UBR1: variants seen among roughly 807,000 people sequenced by gnomAD.
UBR1 encodes the protein E3 ubiquitin-protein ligase UBR1.
A neutral mutation model predicts 242.1 loss-of-function variants in UBR1; 102 were observed. The observed-to-expected ratio is 0.42, with a 90% CI of 0.36 to 0.50. UBR1 has a LOEUF of 0.50. Ranked by LOEUF, UBR1 falls within the 20% of genes least tolerant of loss-of-function variation. UBR1 has a pLI of 0.01. For missense variants in UBR1, 1,772 were observed against 2,101.8 expected, an observed-to-expected ratio of 0.84 and a Z score of 3.07; for synonymous variants, 675 against 684.8, an observed-to-expected ratio of 0.99 and a Z score of 0.22.
At chr15:43,074,488 G>A (rs962340580) in intron 4 of UBR1, among the ~76,000 whole-genome samples, 8 of 152,164 alleles carry the variant, frequency 5.3e-5, no homozygotes, top group African/African-American at 1.9e-4. Context: ...GAGTGCAGTG[G>A]CATGATCTTG....
chr15:43,060,516 C>T (rs993070907), intron 6 of UBR1, among the ~76,000 whole-genome samples: 2 of 152,148 alleles, frequency 1.3e-5, no homozygotes, highest in South Asian at 2.1e-4. Flanking sequence ...GGCCCATTAA[C>T]GAGCGGGAAG....
intron 32 of UBR1, among the ~76,000 whole-genome samples, chr15:43,002,120 TAATAC>T (rs950001545): frequency 6.6e-5 from 10 of 152,174 alleles, no homozygotes; most frequent in Non-Finnish European, 1.0e-4. Flanking sequence ...TTTAAAAGTA[TAATAC>T]AAGATATAAA....
chr15:42,988,922 G>A lies in UBR1; in HGVS notation c.3894C>T (p.Ala1298=), dbSNP rs143517184. The change falls in exon 35 of 47, where the codon GCC becomes GCT. Residue 1298 remains alanine (A), a synonymous_variant. Transcript: ENST00000290650. ...TCAATCCAATTCTATAAATTGTTGT[G>A]GCAAAGAGAATAACCATTTCCTTGA... is the stretch of plus-strand genomic sequence containing the variant. ...NSIKEMVILF[A]TTIYRIGLKV... 2.2e-5 allele frequency: 36 copies of A among 1,610,656 alleles called. No homozygotes were observed. The African/African-American group carries it at 4.3e-4, about 19-fold the overall frequency.
chr15:42,958,007 C>T lies in UBR1; in HGVS notation c.4835+6G>A, dbSNP rs1596074883. The T allele has an allele frequency of 6.2e-7, 1 of 1,609,134 alleles. No individual in the cohort carries two copies. The highest frequency in any genetic ancestry group is 8.5e-7 in the Non-Finnish European group (1 of 1,176,126). ...TTACACACATATATATACACACTCT[C>T]CTTACCTGAAATGAGAAGCTTGATT... On this transcript the variant is annotated splice_donor_region_variant and intron_variant, in intron 44 of 46. Transcript: ENST00000290650.
intron 33 of UBR1, among the ~76,000 whole-genome samples, chr15:42,997,873 A>G (rs1439849404): frequency 6.6e-6 from 1 of 152,242 alleles, no homozygotes; most frequent in East Asian, 1.9e-4. Flanking sequence ...AGTGGATCTT[A>G]GTGATTTAGA....
At chr15:43,043,516 A>C in intron 14 of UBR1, 121 bp from the exon 15 acceptor site, 7 of 896,968 alleles carry the variant, frequency 7.8e-6, no homozygotes, top group Non-Finnish European at 1.1e-5. Flanking sequence ...ATCACAGCTC[A>C]CTGCAGCCTC....
chr15:43,092,982 A>G (rs1189993972), intron 1 of UBR1, among the ~76,000 whole-genome samples: 1 of 152,134 alleles, frequency 6.6e-6, no homozygotes, highest in African/African-American at 2.4e-5. Flanking sequence ...TGTTTTTAAA[A>G]TTTTCCCCCA....
chr15:43,001,148 CTT>C (rs773312013), intron 32 of UBR1, among the ~76,000 whole-genome samples: 24 of 131,604 alleles, frequency 1.8e-4, no homozygotes, highest in Non-Finnish European at 1.8e-4. Context: ...TAGAGCAATT[CTT>C]TTTTTTTTTT....
chr15:42,989,656 T>C (rs1379095852), intron 34 of UBR1, among the ~76,000 whole-genome samples: 3 of 152,174 alleles, frequency 2.0e-5, no homozygotes, highest in Admixed American at 6.5e-5. Context: ...GGTGGTGGCA[T>C]GGAGTGACCT....
At chr15:42,978,834 T>TAAGA (rs1386250647) in intron 37 of UBR1, among the ~76,000 whole-genome samples, 1 of 151,470 alleles carries the variant, frequency 6.6e-6, no homozygotes, top group Non-Finnish European at 1.5e-5. Context: ...GTTCAAGTGA[T>TAAGA]TCTTGTGTCT....
Position 43,075,116 on chromosome 15 carries a change from TG to T in UBR1, c.418-28del, listed in dbSNP as rs2141350046. ...TGATAAAGGAAAAATGAGTTTGTCT[TG>T]ATTTCAAACATTTTACTAAGCATGA... On this transcript the variant is annotated intron_variant, in intron 3 of 46. Coordinates refer to ENST00000290650, the MANE Select transcript of UBR1 (RefSeq NM_174916.3). The T allele has an allele frequency of 2.0e-6, 3 of 1,532,688 alleles. No individual in the cohort carries two copies. In the East Asian group the frequency reaches 6.7e-5, roughly 34 times the overall value. The allele number at this position is 1,532,688 out of a possible 1,614,324, so 94.9% of individuals were successfully genotyped here. A position where few individuals can be genotyped will look rare whatever the true frequency, so the allele number is the denominator to read the frequency against.
chr15:43,103,492 T>C (rs2034262850), intron 1 of UBR1, among the ~76,000 whole-genome samples: 1 of 152,226 alleles, frequency 6.6e-6, no homozygotes. Context: ...CAGGACATGC[T>C]TGTGAAAATG....
intron 41 of UBR1, among the ~76,000 whole-genome samples, chr15:42,965,382 A>G (rs1655121809): frequency 2.0e-5 from 3 of 151,820 alleles, no homozygotes; most frequent in Admixed American, 2.0e-4. Context: ...AGGTGATCCT[A>G]TTGCTTAAAT....
At chr15:43,017,544 G>A (rs76476161) in intron 27 of UBR1, among the ~76,000 whole-genome samples, 4,046 of 152,084 alleles carry the variant, frequency 0.027, 65 homozygotes, top group Non-Finnish European at 0.034. Flanking sequence ...TTTGGGAGGC[G>A]GAGGCGGGTA....
At chr15:42,978,672 T>A (rs1447987063) in intron 37 of UBR1, among the ~76,000 whole-genome samples, 1 of 152,156 alleles carries the variant, frequency 6.6e-6, no homozygotes, top group East Asian at 1.9e-4. Flanking sequence ...AAAGCTGTTA[T>A]TTTTAAAAAT....
intron 6 of UBR1, among the ~76,000 whole-genome samples, chr15:43,065,511 C>T (rs1401936038): frequency 6.6e-6 from 1 of 152,126 alleles, no homozygotes; most frequent in Non-Finnish European, 1.5e-5. Flanking sequence ...CTCTCTCTAC[C>T]CCCACACCCC....
chr15:43,016,676 A>C (rs532605328), intron 28 of UBR1, among the ~76,000 whole-genome samples: 2 of 152,280 alleles, frequency 1.3e-5, no homozygotes, highest in Admixed American at 1.3e-4. Context: ...TCCTGGGTTC[A>C]AGTGATTTTC....
intron 33 of UBR1, among the ~76,000 whole-genome samples, chr15:42,993,933 T>C (rs937208873): frequency 1.3e-5 from 2 of 152,094 alleles, no homozygotes; most frequent in African/African-American, 4.8e-5. Context: ...ATAAACCCAA[T>C]CTGAGCATTG....
chr15:42,962,599 C>T (rs1293941204), intron 42 of UBR1, among the ~76,000 whole-genome samples: 1 of 152,112 alleles, frequency 6.6e-6, no homozygotes, highest in East Asian at 1.9e-4. Flanking sequence ...CAGCGAGTCT[C>T]CTGCCTCAGC....
Sources: allele counts gnomAD v4.1 joint callset (sites outside exome capture counted in the v4.1 genomes callset), GRCh38; gene constraint gnomAD v4.1.1; transcripts MANE v1.5; gene names NCBI Gene and HGNC (gene_info 2026-07-23, HGNC 2026-07-21).